Variants in PCDHGA1 observed in about 807,000 individuals in gnomAD.
PCDHGA1 encodes protocadherin gamma subfamily A, 1.
A neutral mutation model predicts 58.0 loss-of-function variants in PCDHGA1; 32 were observed. The observed-to-expected ratio is 0.55, with a 90% CI of 0.42 to 0.74. The LOEUF is 0.74. Among genes scored for constraint, PCDHGA1 ranks in the 30% least tolerant of loss-of-function variants. The probability of loss-of-function intolerance (pLI) is 0.00; values close to 1 mark genes in which losing one functional copy is unlikely to be tolerated. For synonymous variants in PCDHGA1, 498 were observed against 501.1 expected (o/e 0.99, Z 0.08); for missense variants, 1,205 against 1,182.3 (o/e 1.02, Z -0.28).
chr5:141,455,580 T>G (rs572453788), intron 1 of PCDHGA1, among the ~76,000 whole-genome samples: 26 of 152,142 alleles, frequency 1.7e-4, no homozygotes, highest in Middle Eastern at 3.2e-3. Context: ...ACCCCAGCCT[T>G]TTAATATGCA....
In PCDHGA1 at chr5:141,360,423, C is replaced by A. The variant is rs760359468; in HGVS notation, c.2421+27318C>A. On this transcript the variant is annotated intron_variant, in intron 1 of 3. Coordinates refer to ENST00000517417, the MANE Select transcript of PCDHGA1 (RefSeq NM_018912.3). Reference sequence around the variant, plus strand: ...ACAGAATAGACCGAGAACAGATATGCGGGAAGCAGCCTCTGTGTGTTCTGG... The same window carrying A: ...ACAGAATAGACCGAGAACAGATATGAGGGAAGCAGCCTCTGTGTGTTCTGG... 1.4e-5 allele frequency: 23 copies of A among 1,613,790 alleles called. No individual in the cohort carries two copies. The Admixed American group carries it at 2.2e-4, about 15-fold the overall frequency.
At chr5:141,478,884 C>A in intron 1 of PCDHGA1, 1 of 1,194,298 alleles carries the variant, frequency 8.4e-7, no homozygotes, top group Non-Finnish European at 1.1e-6. Flanking sequence ...AGCTTGGTAT[C>A]ATTTACATTA....
chr5:141,419,175 C>T (rs185228661), intron 1 of PCDHGA1: 2 of 1,613,966 alleles, frequency 1.2e-6, no homozygotes, highest in Non-Finnish European at 1.7e-6. Flanking sequence ...AAAACCATAA[C>T]CCTGCACATT....
chr5:141,421,174 C>T (rs2096550677), intron 1 of PCDHGA1: 2 of 1,378,742 alleles, frequency 1.5e-6, no homozygotes, highest in Non-Finnish European at 1.9e-6. Flanking sequence ...ATACATAAGC[C>T]GATTCACAAC....
chr5:141,408,249 T>A, intron 1 of PCDHGA1: 1 of 1,589,992 alleles, frequency 6.3e-7, no homozygotes, highest in Non-Finnish European at 8.6e-7. Flanking sequence ...CCGCGGCAGG[T>A]GCTATTTCCT....
At chr5:141,390,096 C>G in intron 1 of PCDHGA1, 1 of 1,614,030 alleles carries the variant, frequency 6.2e-7, no homozygotes, top group Non-Finnish European at 8.5e-7. Context: ...ATCCGTGGTT[C>G]CCCCCAACTA....
chr5:141,362,140 C>A (rs1762345318), intron 1 of PCDHGA1: 2 of 1,614,056 alleles, frequency 1.2e-6, no homozygotes, highest in Non-Finnish European at 1.7e-6. Context: ...GGATAGCCTG[C>A]AAGAGGTATT....
At chr5:141,389,743 G>T in intron 1 of PCDHGA1, 8 of 1,612,624 alleles carry the variant, frequency 5.0e-6, no homozygotes, top group Non-Finnish European at 6.8e-6. Flanking sequence ...CTGGGGCTGC[G>T]CACGGGCGAA....
In PCDHGA1 at chr5:141,374,145, G is replaced by A. The variant is rs749263007; in HGVS notation, c.2421+41040G>A. 36 of 1,610,792 alleles carry A rather than the reference G, an allele frequency of 2.2e-5. No homozygotes were observed. In the Admixed American group the frequency reaches 2.8e-4, roughly 13 times the overall value. ...CAGGTCCTGCTCCTCACGCTCCTGG[G>A]GACGCTGTGGGGGGCCGCGGCAGCG... On this transcript the variant is annotated intron_variant, in intron 1 of 3. Transcript: ENST00000517417.
In PCDHGA1 at chr5:141,365,130, C is replaced by T. The variant is rs766093939; in HGVS notation, c.2421+32025C>T. 5 of 1,613,878 alleles carry T rather than the reference C, an allele frequency of 3.1e-6. No individual in the cohort carries two copies. In the South Asian group the frequency reaches 3.3e-5, roughly 11 times the overall value. On this transcript the variant is annotated intron_variant, in intron 1 of 3. Coordinates refer to ENST00000517417, the MANE Select transcript of PCDHGA1 (RefSeq NM_018912.3). ...ACTCGGCTGCTCATGCTAACCGCCA[C>T]GGATCCAGATGAGGGAATAAACGGG...
chr5:141,340,838 A>T lies in PCDHGA1; in HGVS notation c.2421+7733A>T, dbSNP rs752058994. 8.1e-6 allele frequency: 13 copies of T among 1,612,206 alleles called. No individual in the cohort carries two copies. In the Admixed American group the frequency reaches 2.2e-4, roughly 27 times the overall value. On this transcript the variant is annotated intron_variant, in intron 1 of 3. Coordinates refer to ENST00000517417, the MANE Select transcript of PCDHGA1 (RefSeq NM_018912.3). ...GGGACTCTTCTCGGTGGGTCTGCAC[A>T]CGGGCGAGGTGCGCACGGCGCGAGC...
chr5:141,394,631 C>T (rs1402672360), intron 1 of PCDHGA1: 3 of 1,613,354 alleles, frequency 1.9e-6, no homozygotes, highest in Admixed American at 1.7e-5. Flanking sequence ...GGCTGTCCTA[C>T]CGCCTGCTCA....
chr5:141,464,063 A>G (rs893270944), intron 1 of PCDHGA1, among the ~76,000 whole-genome samples: 2 of 152,016 alleles, frequency 1.3e-5, no homozygotes, highest in Non-Finnish European at 2.9e-5. Flanking sequence ...TCAGGAGTTC[A>G]AGGCCAGCCT....
chr5:141,330,521 C>T lies in PCDHGA1; in HGVS notation c.-164C>T. 2 of 676,810 alleles carry T rather than the reference C, an allele frequency of 3.0e-6. No individual in the cohort carries two copies. Among genetic ancestry groups the T allele is most frequent in the East Asian group, 5.4e-5 (2 of 36,956 alleles). 41.9% of individuals were successfully genotyped at this position (676,810 alleles called of 1,614,324 possible). ...AAGCTCTCGTGCCTCTTAGAACCTC[C>T]ATAACCGCCAGATTGAAAACTGACT... On this transcript the variant is annotated 5_prime_UTR_variant, in exon 1 of 4. Transcript: ENST00000517417.
At chr5:141,347,986 G>A (rs532238448) in intron 1 of PCDHGA1, among the ~76,000 whole-genome samples, 5 of 152,162 alleles carry the variant, frequency 3.3e-5, no homozygotes, top group Non-Finnish European at 7.3e-5. Flanking sequence ...ACATGTAAAG[G>A]AATATGTCTC....
intron 1 of PCDHGA1, chr5:141,400,337 C>T: frequency 6.2e-7 from 1 of 1,614,080 alleles, no homozygotes; most frequent in Non-Finnish European, 8.5e-7. Context: ...GTGGTTCCCC[C>T]CAACTACAGT....
Position 141,332,521 on chromosome 5 carries a change from G to A in PCDHGA1, c.1837G>A (p.Glu613Lys). 2 of 1,612,902 alleles carry A rather than the reference G, an allele frequency of 1.2e-6. No homozygotes were observed. Among genetic ancestry groups the A allele is most frequent in the Non-Finnish European group, 1.7e-6 (2 of 1,179,936 alleles). The change falls in exon 1 of 4, where the codon GAG becomes AAG. Residue 613 changes from glutamate to lysine, a missense_variant. Physicochemically the swap from Glu to Lys is moderately conservative, Grantham distance 56. Transcript: ENST00000517417. The surrounding 1 kb of genome is among the most constrained non-coding windows in gnomAD (Gnocchi z 4.6). ...WLSYRLLKAS[E>K]PGLFSVGLHT... ...GTCCTACCGCCTGCTCAAGGCCAGC[G>A]AGCCGGGACTCTTCTCGGTGGGTCT...
intron 1 of PCDHGA1, chr5:141,417,503 T>G (rs1171198405): frequency 8.7e-6 from 2 of 229,844 alleles, no homozygotes; most frequent in East Asian, 1.9e-4. Context: ...GGAAAAAGAT[T>G]AAAATATTTT....
At chr5:141,430,991 A>T (rs2097333608) in intron 1 of PCDHGA1, 1 of 1,613,980 alleles carries the variant, frequency 6.2e-7, no homozygotes, top group African/African-American at 1.3e-5. Context: ...TTTCGCCCTG[A>T]ATCCGCGCAG....
Sources: allele counts gnomAD v4.1 joint callset (sites outside exome capture counted in the v4.1 genomes callset), GRCh38; gene constraint gnomAD v4.1.1; non-coding constraint Gnocchi (gnomAD v3.1); transcripts MANE v1.5; gene names NCBI Gene and HGNC (gene_info 2026-07-23, HGNC 2026-07-21).